The following TMEM40 variants were observed in gnomAD, a reference collection of about 807,000 sequenced individuals.
The protein encoded by TMEM40 is transmembrane protein 40.
Under a neutral mutation model 40.8 loss-of-function variants are expected in TMEM40, and 34 were observed. That is an observed-to-expected ratio of 0.83 (90% CI 0.63 to 1.11). The LOEUF is 1.11. TMEM40 is among the 50% of genes least tolerant of loss of function. The pLI is 0.00. For missense variants in TMEM40, 296 were observed against 280.2 expected, an observed-to-expected ratio of 1.06 and a Z score of -0.40; for synonymous variants, 106 against 107.0, an observed-to-expected ratio of 0.99 and a Z score of 0.06.
At chr3:12,761,673 G>A (rs2061569413), upstream of TMEM40, among the ~76,000 whole-genome samples, 1 of 152,046 alleles carries the variant, frequency 6.6e-6, no homozygotes. Context: ...TGGTGGAGAA[G>A]CTGTGAGGAT....
At position 12,755,228 on chromosome 3, in the gene TMEM40, TC is replaced by T. The variant is rs1559533310; in HGVS notation, c.-9+3962del. On this transcript the variant is annotated intron_variant, in intron 1 of 11. Coordinates refer to ENST00000314124, the MANE Select transcript of TMEM40 (RefSeq NM_018306.4). ...CTTTCTTTCTTTCTCTCTCTCTCTC[TC>T]TCTCTCTTTCTTTCTTTCTTTCTTT... is the stretch of plus-strand genomic sequence containing the variant. Among the ~76,000 whole-genome samples, 320 of 94,488 alleles carry T rather than the reference TC, an allele frequency of 3.4e-3. 2 individuals carry two copies. Among genetic ancestry groups the T allele is most frequent in the African/African-American group, 0.016 (280 of 17,330 alleles). The allele number at this position is 94,488 out of a possible 152,430, so 62.0% of individuals were successfully genotyped here. A position where few individuals can be genotyped will look rare whatever the true frequency, so the allele number is the denominator to read the frequency against.
At chr3:12,744,150 C>A (rs569080142) in intron 3 of TMEM40, among the ~76,000 whole-genome samples, 161 bp from the exon 4 acceptor site, 1 of 152,200 alleles carries the variant, frequency 6.6e-6, no homozygotes, top group Admixed American at 6.5e-5. Flanking sequence ...CTGCCACTCC[C>A]TTTAGGTGTG....
intron 1 of TMEM40, among the ~76,000 whole-genome samples, chr3:12,757,683 G>C (rs954879268): frequency 1.3e-5 from 2 of 152,088 alleles, no homozygotes; most frequent in African/African-American, 2.4e-5. Context: ...CAGTTTGTCA[G>C]CTCCTCAAAA....
intron 1 of TMEM40, among the ~76,000 whole-genome samples, chr3:12,751,683 A>C (rs2061477800): frequency 6.6e-6 from 1 of 152,198 alleles, no homozygotes; most frequent in African/African-American, 2.4e-5. Flanking sequence ...GGAATGACTG[A>C]CAGCAGAAGC....
rs929062423 is a variant in TMEM40 at position 12,734,431 on chromosome 3, A to G, written c.*343T>C. On this transcript the variant is annotated 3_prime_UTR_variant, in exon 12 of 12. Transcript: ENST00000314124. Reference sequence around the variant, plus strand: ...GGGATTTGAGAAAAACCATGAACCCAGACAGATCACAGCTTGCAGAGCTCA... The same window carrying G: ...GGGATTTGAGAAAAACCATGAACCCGGACAGATCACAGCTTGCAGAGCTCA... 3.4e-6 allele frequency: 1 copy of G among 295,430 alleles called. No individual in the cohort carries two copies. Among genetic ancestry groups the G allele is most frequent in the African/African-American group, 2.1e-5 (1 of 46,922 alleles). 18.3% of individuals were successfully genotyped at this position (295,430 alleles called of 1,614,324 possible).
chr3:12,748,844 C>G, intron 2 of TMEM40, 52 bp from the exon 3 acceptor site: 1 of 1,546,700 alleles, frequency 6.5e-7, no homozygotes, highest in Non-Finnish European at 8.9e-7. Flanking sequence ...CTTCCCACCC[C>G]AGGGACCACC....
chr3:12,739,527 A>G (rs1030133873), intron 5 of TMEM40, among the ~76,000 whole-genome samples: 1 of 151,666 alleles, frequency 6.6e-6, no homozygotes, highest in Non-Finnish European at 1.5e-5. Flanking sequence ...CTCGTGATCC[A>G]CCCACCTCAG....
intron 1 of TMEM40, 123 bp from the exon 2 acceptor site, chr3:12,749,963 T>C: frequency 1.0e-6 from 1 of 997,058 alleles, no homozygotes; most frequent in Non-Finnish European, 1.5e-6. Flanking sequence ...AGAAAAATAA[T>C]TAACAAAAAA....
At position 12,744,089 on chromosome 3, in the gene TMEM40, G is replaced by T. The variant is rs1000706777; in HGVS notation, c.212-100C>A. On this transcript the variant is annotated intron_variant, in intron 3 of 11. Coordinates refer to ENST00000314124, the MANE Select transcript of TMEM40 (RefSeq NM_018306.4). ...ATTCTCAGAATTTAGTTTATGAGAA[G>T]AGTGTGGTTTGGTGGGAGGAACTCT... 4.7e-6 allele frequency: 6 copies of T among 1,272,048 alleles called. No individual in the cohort carries two copies. The African/African-American group carries it at 8.8e-5, about 19-fold the overall frequency. 78.8% of individuals were successfully genotyped at this position (1,272,048 alleles called of 1,614,324 possible). A position where few individuals can be genotyped will look rare whatever the true frequency, so the allele number is the denominator to read the frequency against.
intron 1 of TMEM40, among the ~76,000 whole-genome samples, chr3:12,752,273 C>T (rs9968158): frequency 1 from 151,848 of 152,288 alleles, 75,705 homozygotes; most frequent in Middle Eastern, 1. Flanking sequence ...CACTAGATCA[C>T]GAATGCAGCC....
At chr3:12,762,783 G>T (rs2061578204), upstream of TMEM40, among the ~76,000 whole-genome samples, 1 of 152,024 alleles carries the variant, frequency 6.6e-6, no homozygotes, top group Admixed American at 6.6e-5. Context: ...CCCCATCCCG[G>T]GCCTGAATCA....
At chr3:12,766,574 GAC>G (rs1344837572) in intron 1 of TMEM40, among the ~76,000 whole-genome samples, 1 of 146,480 alleles carries the variant, frequency 6.8e-6, no homozygotes, top group Admixed American at 6.8e-5. Flanking sequence ...CAGCCTGGGC[GAC>G]ACAGCGAGAC....
chr3:12,738,241 A>G, intron 6 of TMEM40, 73 bp from the exon 7 acceptor site: 1 of 1,552,016 alleles, frequency 6.4e-7, no homozygotes, highest in Non-Finnish European at 8.9e-7. Flanking sequence ...ACCCTGGGGA[A>G]GGCTATAGGT....
In TMEM40 at chr3:12,748,524, G is replaced by A. The variant is rs115262020; in HGVS notation, c.211+131C>T. On this transcript the variant is annotated intron_variant, in intron 3 of 11. Coordinates refer to ENST00000314124, the MANE Select transcript of TMEM40 (RefSeq NM_018306.4). ...ACGTAGAAGCACATGTAGACAGATC[G>A]GCTCTAGAAGAGAATGTGGAGAAAC... The A allele has an allele frequency of 4.0e-4, 512 of 1,279,338 alleles. 2 individuals carry two copies. The African/African-American group carries it at 6.7e-3, about 17-fold the overall frequency. 79.2% of individuals were successfully genotyped at this position (1,279,338 alleles called of 1,614,324 possible).
At chr3:12,735,462 A>G (rs2061330338) in intron 11 of TMEM40, 93 bp downstream of exon 11, 7 of 1,323,726 alleles carry the variant, frequency 5.3e-6, no homozygotes, top group Admixed American at 2.0e-5. Flanking sequence ...CTCTGCCTCC[A>G]GGCTGTGTTC....
In TMEM40 at chr3:12,733,610, A is replaced by C. The variant is rs1014495352; in HGVS notation, c.*1164T>G. On this transcript the variant is annotated 3_prime_UTR_variant, in exon 12 of 12. Transcript: ENST00000314124. ...GGGCTCCCGTTAAATTAGGTTACAT[A>C]CAAGTACTTGAAATCAAAACCTCAG... The C allele has an allele frequency of 6.6e-6, 1 of 152,066 alleles. No individual in the cohort carries two copies. The highest frequency in any genetic ancestry group is 2.4e-5 in the African/African-American group (1 of 41,406). 9.4% of individuals were successfully genotyped at this position (152,066 alleles called of 1,614,324 possible).
At chr3:12,737,626 G>A in intron 8 of TMEM40, 81 bp downstream of exon 8, 1 of 1,351,790 alleles carries the variant, frequency 7.4e-7, no homozygotes, top group Non-Finnish European at 1.1e-6. Flanking sequence ...GATTACTGCT[G>A]TGCTAGGCCA....
chr3:12,749,875 C>G (rs369950162), intron 1 of TMEM40, 35 bp from the exon 2 acceptor site: 1 of 1,572,202 alleles, frequency 6.4e-7, no homozygotes, highest in Non-Finnish European at 8.7e-7. Flanking sequence ...GTTAATATCA[C>G]CTTAGTTAAT....
chr3:12,737,133 G>A (rs1031683514), intron 8 of TMEM40, among the ~76,000 whole-genome samples: 24 of 151,738 alleles, frequency 1.6e-4, no homozygotes, highest in African/African-American at 5.6e-4. Flanking sequence ...TCTCATCTCG[G>A]CCTCCCAAAG....
Sources: gnomAD v4.1 joint callset for allele counts (sites outside exome capture counted in the v4.1 genomes callset) on GRCh38, gnomAD v4.1.1 for gene constraint, MANE v1.5 for transcripts, NCBI Gene and HGNC (gene_info 2026-07-23, HGNC 2026-07-21) for gene names.